The following GAS2L3 variants were observed in gnomAD, a reference collection of about 807,000 sequenced individuals.
GAS2L3 encodes GAS2-like protein 3.
GAS2L3 carries 28 observed loss-of-function variants against 37.0 expected under a neutral mutation model. The observed-to-expected ratio is 0.76, with a 90% CI of 0.56 to 1.04. The LOEUF is 1.04. GAS2L3 is among the 50% of genes least tolerant of loss of function. The pLI, the probability that GAS2L3 is intolerant of heterozygous loss-of-function variation, is 0.00. For missense variants in GAS2L3, 793 were observed against 817.6 expected, an observed-to-expected ratio of 0.97 and a Z score of 0.37; for synonymous variants, 290 against 296.6, an observed-to-expected ratio of 0.98 and a Z score of 0.23.
chr12:100,604,714 T>A (rs1051492312), intron 5 of GAS2L3, among the ~76,000 whole-genome samples: 12 of 152,030 alleles, frequency 7.9e-5, no homozygotes, highest in Non-Finnish European at 1.5e-5. Context: ...CCATTTGGTA[T>A]GATACTAGCT....
At chr12:100,577,982 G>T (rs943470638) in intron 1 of GAS2L3, among the ~76,000 whole-genome samples, 9 of 152,214 alleles carry the variant, frequency 5.9e-5, no homozygotes, top group African/African-American at 2.2e-4. Context: ...TGGTTAAGGA[G>T]TTTGGGCTTT....
chr12:100,586,415 A>C (rs964740507), intron 1 of GAS2L3, among the ~76,000 whole-genome samples: 3 of 152,172 alleles, frequency 2.0e-5, no homozygotes, highest in African/African-American at 7.2e-5. Context: ...CTAGAAATCA[A>C]CTCCAAAAGG....
chr12:100,622,218 C>A, intron 8 of GAS2L3, 57 bp from the exon 9 acceptor site: 1 of 989,134 alleles, frequency 1.0e-6, no homozygotes, highest in Non-Finnish European at 1.6e-6. Context: ...TAATATTACA[C>A]TTTAAACAAA....
intron 4 of GAS2L3, among the ~76,000 whole-genome samples, chr12:100,601,206 A>G (rs1446781934): frequency 6.6e-6 from 1 of 152,122 alleles, no homozygotes; most frequent in Non-Finnish European, 1.5e-5. Context: ...AGTTTGATGG[A>G]TAATATTTAG....
At chr12:100,586,603 GC>G (rs1258803155) in intron 1 of GAS2L3, among the ~76,000 whole-genome samples, 1 of 152,092 alleles carries the variant, frequency 6.6e-6, no homozygotes, top group Non-Finnish European at 1.5e-5. Flanking sequence ...AAAGTTCATT[GC>G]CCCAAACGTG....
rs1471378554 is a variant in GAS2L3 at position 100,627,221 on chromosome 12, A to G, written c.*2331A>G. Among the ~76,000 whole-genome samples, 2 of 152,108 alleles carry G rather than the reference A, an allele frequency of 1.3e-5. No homozygotes were observed. The highest frequency in any genetic ancestry group is 3.9e-4 in the East Asian group (2 of 5,190). On this transcript the variant is annotated 3_prime_UTR_variant, in exon 10 of 10. Transcript: ENST00000547754. ...ATGTTGAATGAATTTTTATTTATAT[A>G]TAGCTTACCCTTCCAAAATAAAAGT...
At chr12:100,579,929 A>C (rs530749414) in intron 1 of GAS2L3, 1 of 769,842 alleles carries the variant, frequency 1.3e-6, no homozygotes, top group African/African-American at 1.7e-5. Context: ...GAACTGAAAA[A>C]GCGTATGACC....
rs940978824 is a variant in GAS2L3, at chr12:100,624,377, C to T, written c.1572C>T (p.Thr524=). The T allele has an allele frequency of 1.9e-6, 3 of 1,613,826 alleles. No homozygotes were observed. In the African/African-American group the frequency reaches 4.0e-5, roughly 22 times the overall value. ...AGTCCTCTGCAAAAATGACAAAAAC[C>T]AGTTCCAAAACCATAGCCACGGGTC... is the stretch of plus-strand genomic sequence containing the variant. ...SFQSSAKMTK[T]SSKTIATGLG... is the part of the protein sequence containing the mutation. Residue 524 remains threonine (T), a synonymous_variant, in exon 10 of 10, where the codon ACC becomes ACT. Coordinates refer to ENST00000547754, the MANE Select transcript of GAS2L3 (RefSeq NM_174942.3).
At chr12:100,584,993 A>G (rs1018129835) in intron 1 of GAS2L3, among the ~76,000 whole-genome samples, 1 of 138,638 alleles carries the variant, frequency 7.2e-6, no homozygotes, top group South Asian at 2.2e-4. Flanking sequence ...GGTTCACGCC[A>G]TTATCCTGCC....
Position 100,623,906 on chromosome 12 carries a change from G to A in GAS2L3, c.1101G>A (p.Met367Ile). ...SSLKGGNLGS[M>I]SVRSKLPNSP... ...TGAAAGGAGGTAATCTGGGCTCTAT[G>A]TCAGTCCGTTCTAAATTGCCAAATT... The change falls in exon 10 of 10, where the codon ATG becomes ATA. Residue 367 changes from methionine to isoleucine, a missense_variant. Physicochemically the swap from Met to Ile is conservative, Grantham distance 10 (BLOSUM62 1). Coordinates refer to ENST00000547754, the MANE Select transcript of GAS2L3 (RefSeq NM_174942.3). 6.2e-7 allele frequency: 1 copy of A among 1,614,106 alleles called. No homozygotes were observed.
intron 1 of GAS2L3, chr12:100,578,966 G>A: frequency 1.1e-6 from 1 of 896,018 alleles, no homozygotes; most frequent in Non-Finnish European, 1.8e-6. Flanking sequence ...CCATGCTTAT[G>A]GAAATCGAAA....
chr12:100,601,516 GTATT>G, intron 4 of GAS2L3, 118 bp from the exon 5 acceptor site: 2 of 592,934 alleles, frequency 3.4e-6, no homozygotes, highest in African/African-American at 3.8e-5. Context: ...CTAAGAGTAA[GTATT>G]TAGAGTCTGA....
At chr12:100,574,267 G>T (rs150030419) in intron 1 of GAS2L3, among the ~76,000 whole-genome samples, 1 of 152,154 alleles carries the variant, frequency 6.6e-6, no homozygotes, top group African/African-American at 2.4e-5. Flanking sequence ...GAAGTCTCTG[G>T]CCCTGCAAAG....
Position 100,605,534 on chromosome 12 carries a change from C to T in GAS2L3, c.303+3781C>T, listed in dbSNP as rs182037330. Among the ~76,000 whole-genome samples, 240 of 151,664 alleles carry T rather than the reference C, an allele frequency of 1.6e-3. 1 individual carries two copies. Among genetic ancestry groups the T allele is most frequent in the African/African-American group, 5.5e-3 (228 of 41,448 alleles). ...ATTATTTCTTTTCTTGTACTAATTT[C>T]GAGTTGATTTGCACTTGCTTTTTTA... On this transcript the variant is annotated intron_variant, in intron 5 of 9. Coordinates refer to ENST00000547754, the MANE Select transcript of GAS2L3 (RefSeq NM_174942.3).
intron 1 of GAS2L3, among the ~76,000 whole-genome samples, chr12:100,581,912 G>A (rs575380315): frequency 2.0e-5 from 3 of 152,250 alleles, no homozygotes; most frequent in African/African-American, 7.2e-5. Flanking sequence ...AAAGTTAGTT[G>A]CCTTTGCATG....
At chr12:100,587,758 T>G (rs1315046954) in intron 1 of GAS2L3, among the ~76,000 whole-genome samples, 2 of 152,014 alleles carry the variant, frequency 1.3e-5, no homozygotes, top group East Asian at 3.9e-4. Context: ...GAGAAAGAAA[T>G]AAAGGGCATC....
At chr12:100,617,598 AT>A in intron 6 of GAS2L3, 145 bp from the exon 7 acceptor site, 1 of 605,502 alleles carries the variant, frequency 1.7e-6, no homozygotes, top group Non-Finnish European at 2.9e-6. Flanking sequence ...AGTAGAAAAA[AT>A]AAAAGTGTCT....
intron 3 of GAS2L3, among the ~76,000 whole-genome samples, chr12:100,597,963 T>G (rs1295773571): frequency 6.6e-6 from 1 of 152,026 alleles, no homozygotes; most frequent in Non-Finnish European, 1.5e-5. Flanking sequence ...AAAAGTTTGG[T>G]TTTTTTAAAA....
intron 1 of GAS2L3, among the ~76,000 whole-genome samples, chr12:100,586,210 C>T (rs1033695340): frequency 6.6e-6 from 1 of 152,156 alleles, no homozygotes; most frequent in East Asian, 1.9e-4. Context: ...TTAAACTATA[C>T]CTTGGGACAA....
Sources: gnomAD v4.1 joint callset for allele counts (sites outside exome capture counted in the v4.1 genomes callset) on GRCh38, gnomAD v4.1.1 for gene constraint, MANE v1.5 for transcripts, NCBI Gene and HGNC (gene_info 2026-07-23, HGNC 2026-07-21) for gene names.